LATS2: variants seen among roughly 807,000 people sequenced by gnomAD.
LATS2 encodes the protein serine/threonine-protein kinase LATS2.
In LATS2, 24 loss-of-function variants were observed where a neutral mutation model predicts 76.0. The observed-to-expected ratio is 0.32, with a 90% CI of 0.23 to 0.44. The LOEUF (loss-of-function observed/expected upper bound fraction) is 0.44. LATS2 is among the 20% of genes least tolerant of loss of function. The probability of loss-of-function intolerance (pLI) is 1.00; values close to 1 mark genes in which losing one functional copy is unlikely to be tolerated. For missense variants in LATS2, 1,286 were observed against 1,481.2 expected, an observed-to-expected ratio of 0.87 and a Z score of 2.16; for synonymous variants, 692 against 635.4, an observed-to-expected ratio of 1.09 and a Z score of -1.34.
chr13:21,009,346 C>G (rs987986967), intron 2 of LATS2, among the ~76,000 whole-genome samples: 1 of 152,170 alleles, frequency 6.6e-6, no homozygotes, highest in African/African-American at 2.4e-5. Context: ...TCCCCGACAC[C>G]TGCTCCTCTC....
chr13:21,057,618 C>A (rs1243470173), intron 1 of LATS2, among the ~76,000 whole-genome samples: 3 of 151,516 alleles, frequency 2.0e-5, no homozygotes, highest in African/African-American at 7.3e-5. Flanking sequence ...ACGGTGAAAC[C>A]CCGTCTCTAC....
At chr13:21,044,686 A>AGG (rs1157256722) in intron 2 of LATS2, among the ~76,000 whole-genome samples, 70 of 125,008 alleles carry the variant, frequency 5.6e-4, no homozygotes, top group African/African-American at 1.9e-3. Flanking sequence ...TATGAGGTGT[A>AGG]GGGGTGTGTG....
chr13:20,997,495 A>G (rs942725738), intron 2 of LATS2, among the ~76,000 whole-genome samples: 1 of 152,162 alleles, frequency 6.6e-6, no homozygotes, highest in African/African-American at 2.4e-5. Context: ...GGTCCTCTCA[A>G]TTGCAAGGAC....
At chr13:20,990,757 G>A (rs1482249015) in intron 3 of LATS2, among the ~76,000 whole-genome samples, 1 of 152,112 alleles carries the variant, frequency 6.6e-6, no homozygotes, top group African/African-American at 2.4e-5. Flanking sequence ...AAAAGCAGGG[G>A]TTTGGTGCGG....
intron 2 of LATS2, among the ~76,000 whole-genome samples, chr13:21,001,450 C>T (rs927329165): frequency 2.0e-5 from 3 of 152,196 alleles, no homozygotes; most frequent in African/African-American, 7.2e-5. Context: ...CTGTGATTTT[C>T]TCTATCAATG....
chr13:21,045,647 C>A, intron 2 of LATS2, 38 bp downstream of exon 2: 1 of 1,519,116 alleles, frequency 6.6e-7, no homozygotes, highest in Non-Finnish European at 9.0e-7. Context: ...TGTCCCATAG[C>A]TGCCTCTGCA....
chr13:21,061,091 TCTGGAACCGGCTCCG>T (rs1873628240), intron 1 of LATS2, among the ~76,000 whole-genome samples: 1 of 151,312 alleles, frequency 6.6e-6, no homozygotes, highest in Non-Finnish European at 1.5e-5. Context: ...CCCCGGCTCC[TCTGGAACCGGCTCCG>T]CGGGCTCCGT....
intron 2 of LATS2, among the ~76,000 whole-genome samples, chr13:21,027,745 T>C (rs1299820886): frequency 6.6e-6 from 1 of 152,146 alleles, no homozygotes; most frequent in African/African-American, 2.4e-5. Context: ...TCTAGGTACT[T>C]TGCAGTGCCA....
chr13:21,053,711 C>G (rs1016731741), intron 1 of LATS2, among the ~76,000 whole-genome samples: 9 of 152,180 alleles, frequency 5.9e-5, no homozygotes, highest in African/African-American at 2.2e-4. Flanking sequence ...GAACAAAAGT[C>G]GCAGAACTAT....
At chr13:21,040,633 A>C (rs73169538) in intron 2 of LATS2, among the ~76,000 whole-genome samples, 34 of 152,262 alleles carry the variant, frequency 2.2e-4, no homozygotes, top group Non-Finnish European at 4.6e-4. Flanking sequence ...GAGACACTGC[A>C]GAGAGCTCCT....
At chr13:20,983,169 TG>T in intron 5 of LATS2, 54 bp downstream of exon 5, 2 of 1,227,950 alleles carry the variant, frequency 1.6e-6, no homozygotes, top group Non-Finnish European at 2.3e-6. Flanking sequence ...TTGCTTGCAA[TG>T]GGGTTAGTGA....
At chr13:21,007,622 G>T (rs1343669186) in intron 2 of LATS2, among the ~76,000 whole-genome samples, 1 of 290 alleles carries the variant, frequency 3.4e-3, no homozygotes, top group Non-Finnish European at 0.014. Context: ...TATATATATA[G>T]TGTATATATA....
intron 1 of LATS2, among the ~76,000 whole-genome samples, chr13:21,048,575 A>G (rs1873150765): frequency 6.6e-6 from 1 of 152,158 alleles, no homozygotes; most frequent in African/African-American, 2.4e-5. Flanking sequence ...TCACGTCTGT[A>G]ATCCCAGCCA....
chr13:20,988,229 G>C lies in LATS2; in HGVS notation c.1551C>G (p.Pro517=), dbSNP rs1288370183. ...TGCGCAGCAGCAGGTGCTTCGGGTAGGGCGGAGGCGGGCACCTCCGGTCTG... is the reference window on the plus strand; with the variant it reads ...TGCGCAGCAGCAGGTGCTTCGGGTACGGCGGAGGCGGGCACCTCCGGTCTG... The part of the protein sequence containing the change: ...GGPDRRCPPP[P]YPKHLLLRSK... The change falls in exon 4 of 8, where the codon CCC becomes CCG. Residue 517 remains proline, a synonymous_variant. Coordinates refer to ENST00000382592, the MANE Select transcript of LATS2 (RefSeq NM_014572.3). 2 of 1,605,860 alleles carry C rather than the reference G, an allele frequency of 1.2e-6. No individual in the cohort carries two copies. The highest frequency in any genetic ancestry group is 1.1e-5 in the South Asian group (1 of 90,900).
chr13:21,036,845 TTAG>T (rs1872698492), intron 2 of LATS2, among the ~76,000 whole-genome samples: 1 of 152,136 alleles, frequency 6.6e-6, no homozygotes, highest in African/African-American at 2.4e-5. Flanking sequence ...CTTCTAGTTT[TTAG>T]TAGTAGTAGT....
At chr13:21,020,702 T>C (rs534126535) in intron 2 of LATS2, among the ~76,000 whole-genome samples, 1 of 152,302 alleles carries the variant, frequency 6.6e-6, no homozygotes, top group East Asian at 1.9e-4. Context: ...GTCCAGGGGC[T>C]AAAAGGTTGA....
chr13:20,983,649 C>T lies in LATS2; in HGVS notation c.2057G>A (p.Cys686Tyr). 6.2e-7 allele frequency: 1 copy of T among 1,614,130 alleles called. No homozygotes were observed. Among genetic ancestry groups the T allele is most frequent in the Middle Eastern group, 1.6e-4 (1 of 6,062 alleles). Residue 686 changes from cysteine to tyrosine, a missense_variant, in exon 5 of 8, where the codon TGT becomes TAT. This residue lies in a region of LATS2 where 247 missense variants were observed against 385.4 expected (regional missense o/e 0.64). Transcript: ENST00000382592. Reference sequence around the variant, plus strand: ...GTACAGGGCGTGAGTGTCCACCTTACAAGCAAGGCACACTTCTCCAAAGGC... The same window carrying T: ...GTACAGGGCGTGAGTGTCCACCTTATAAGCAAGGCACACTTCTCCAAAGGC... Reference protein sequence around the residue: ...IGAFGEVCLACKVDTHALYAM... With the variant: ...IGAFGEVCLAYKVDTHALYAM...
At chr13:20,981,048 C>T (rs1033097641) in intron 6 of LATS2, among the ~76,000 whole-genome samples, 1 of 152,218 alleles carries the variant, frequency 6.6e-6, no homozygotes, top group Admixed American at 6.5e-5. Flanking sequence ...AACGCTGTCA[C>T]ATAAGCACCC....
In LATS2 at chr13:20,990,461, ATTT is replaced by A. The variant is rs35074574; in HGVS notation, c.475+808_475+810del. On this transcript the variant is annotated intron_variant, in intron 3 of 7. Transcript: ENST00000382592. ...GGGAAAACTCTTGCTAATTACTAGGATTTTTTTTTTTTTTTTTTTTTTTTTTAA... is the reference window on the plus strand; with the variant it reads ...GGGAAAACTCTTGCTAATTACTAGGATTTTTTTTTTTTTTTTTTTTTTTAA... Among the ~76,000 whole-genome samples the A allele has an allele frequency of 1.8e-3, 171 of 94,516 alleles. 2 individuals carry two copies. The highest frequency in any genetic ancestry group is 8.6e-3 in the Middle Eastern group (1 of 116). The allele number at this position is 94,516 out of a possible 152,430, so 62.0% of individuals were successfully genotyped here. A position where few individuals can be genotyped will look rare whatever the true frequency, so the allele number is the denominator to read the frequency against.
Sources: allele counts gnomAD v4.1 joint callset (sites outside exome capture counted in the v4.1 genomes callset), GRCh38; gene constraint gnomAD v4.1.1; regional missense constraint gnomAD v4.1.1; transcripts MANE v1.5; gene names NCBI Gene and HGNC (gene_info 2026-07-23, HGNC 2026-07-21).